Variants in CA10 observed in about 807,000 individuals in gnomAD.
CA10 encodes carbonic anhydrase-related protein 10.
A neutral mutation model predicts 44.2 loss-of-function variants in CA10; 14 were observed. That is an observed-to-expected ratio of 0.32 (90% CI 0.21 to 0.50). The LOEUF (loss-of-function observed/expected upper bound fraction) is 0.50, where lower values mean the gene tolerates loss of function less well. CA10 is among the 20% of genes least tolerant of loss of function. The probability of loss-of-function intolerance (pLI) is 0.99; values close to 1 mark genes in which losing one functional copy is unlikely to be tolerated. For synonymous variants in CA10, 159 were observed against 141.6 expected (o/e 1.12, Z -0.87); for missense variants, 350 against 409.7 (o/e 0.85, Z 1.26).
At chr17:51,686,270 G>A (rs1275648438) in intron 4 of CA10, among the ~76,000 whole-genome samples, 1 of 152,150 alleles carries the variant, frequency 6.6e-6, no homozygotes, top group Non-Finnish European at 1.5e-5. Flanking sequence ...GGACCTGTGA[G>A]TCAATTAAAC....
intron 2 of CA10, among the ~76,000 whole-genome samples, chr17:51,932,751 CTCATTTCTTA>C (rs1486462009): frequency 6.6e-6 from 1 of 152,064 alleles, no homozygotes; most frequent in Non-Finnish European, 1.5e-5. Context: ...CCTCGGCCCT[CTCATTTCTTA>C]TCATTTCTTA....
At chr17:51,842,018 C>T (rs1250309609) in intron 3 of CA10, among the ~76,000 whole-genome samples, 1 of 152,188 alleles carries the variant, frequency 6.6e-6, no homozygotes, top group Admixed American at 6.5e-5. Flanking sequence ...CTGGTCTGAA[C>T]AAGGTCTGTG....
chr17:52,076,041 A>G (rs1050200175), intron 1 of CA10, among the ~76,000 whole-genome samples: 1 of 152,190 alleles, frequency 6.6e-6, no homozygotes, highest in Non-Finnish European at 1.5e-5. Flanking sequence ...TGTTGTCAAG[A>G]CGGCAAAAAA....
intron 2 of CA10, among the ~76,000 whole-genome samples, chr17:51,998,554 G>T (rs188934303): frequency 3.9e-5 from 6 of 152,068 alleles, no homozygotes; most frequent in Admixed American, 3.3e-4. Flanking sequence ...TTAATTAAAA[G>T]ATAATGCTCT....
At chr17:51,841,008 T>TGATGGGAGTAGGGAGA (rs534857133) in intron 3 of CA10, among the ~76,000 whole-genome samples, 253 of 152,282 alleles carry the variant, frequency 1.7e-3, no homozygotes, top group African/African-American at 5.8e-3. Context: ...GAAGGCTAAG[T>TGATGGGAGTAGGGAGA]GATGGGAGTA....
intron 1 of CA10, among the ~76,000 whole-genome samples, chr17:52,085,408 G>A (rs575215616): frequency 1.2e-4 from 19 of 152,286 alleles, no homozygotes; most frequent in African/African-American, 4.3e-4. Context: ...GAGGGGTAGT[G>A]AAAGACATGC....
chr17:51,639,051 A>C (rs565360550), intron 6 of CA10, among the ~76,000 whole-genome samples: 1 of 152,248 alleles, frequency 6.6e-6, no homozygotes, highest in East Asian at 1.9e-4. Flanking sequence ...CACTACTGGG[A>C]GTTTGGACTT....
At chr17:52,143,029 T>C (rs190447831) in intron 1 of CA10, among the ~76,000 whole-genome samples, 5 of 152,320 alleles carry the variant, frequency 3.3e-5, no homozygotes, top group African/African-American at 1.2e-4. Context: ...TCCTCAAAGA[T>C]CTCCAATACT....
chr17:51,753,478 G>A (rs1904963450), intron 3 of CA10, among the ~76,000 whole-genome samples: 1 of 152,122 alleles, frequency 6.6e-6, no homozygotes, highest in East Asian at 1.9e-4. Context: ...GCATTTTTAA[G>A]GTAGGAAAAA....
chr17:51,644,168 C>T (rs543072488), intron 6 of CA10, among the ~76,000 whole-genome samples: 29 of 82,228 alleles, frequency 3.5e-4, no homozygotes, highest in Admixed American at 9.7e-4. Context: ...TTGCACAGTT[C>T]CCCCCCTTTT....
At chr17:52,114,897 G>T (rs1396321398) in intron 1 of CA10, among the ~76,000 whole-genome samples, 2 of 152,192 alleles carry the variant, frequency 1.3e-5, no homozygotes, top group Non-Finnish European at 2.9e-5. Context: ...CTAAGTCATT[G>T]CATCCCAGCC....
At chr17:51,818,695 A>G (rs1907659839) in intron 3 of CA10, among the ~76,000 whole-genome samples, 3 of 152,204 alleles carry the variant, frequency 2.0e-5, no homozygotes, top group Admixed American at 1.3e-4. Context: ...GATGTGCAAC[A>G]TTAAATTCAC....
chr17:52,069,013 T>C (rs1426123531), intron 2 of CA10, among the ~76,000 whole-genome samples: 1 of 152,208 alleles, frequency 6.6e-6, no homozygotes, highest in Non-Finnish European at 1.5e-5. Context: ...ATATTGCTGC[T>C]CCTGGCCTAA....
chr17:51,839,556 A>AAAAACAG (rs1978302848), intron 3 of CA10, among the ~76,000 whole-genome samples: 1 of 151,326 alleles, frequency 6.6e-6, no homozygotes, highest in African/African-American at 2.4e-5. Flanking sequence ...AGAGGCAGTT[A>AAAAACAG]AAAACAGAAA....
chr17:51,865,296 G>A (rs1057305328), intron 3 of CA10, among the ~76,000 whole-genome samples: 3 of 152,128 alleles, frequency 2.0e-5, no homozygotes, highest in Non-Finnish European at 4.4e-5. Flanking sequence ...CTCCATGAAG[G>A]CAAGTGTTTT....
chr17:51,836,708 T>C (rs1908490537), intron 3 of CA10, among the ~76,000 whole-genome samples: 1 of 152,150 alleles, frequency 6.6e-6, no homozygotes, highest in African/African-American at 2.4e-5. Flanking sequence ...TCTCAGTGTA[T>C]GAGGAAAAGA....
chr17:52,143,373 C>T (rs1165485797), intron 1 of CA10, among the ~76,000 whole-genome samples: 1 of 152,010 alleles, frequency 6.6e-6, no homozygotes, highest in Non-Finnish European at 1.5e-5. Flanking sequence ...TAGAAAGAAA[C>T]AAACCAGAAT....
In CA10 at chr17:51,635,990, C is replaced by A; in HGVS notation, c.654G>T (p.Gln218His). The change falls in exon 7 of 9, where the codon CAG (glutamine) becomes CAT (histidine). Residue 218 changes from glutamine to histidine, a missense_variant. Coordinates refer to ENST00000451037, the MANE Select transcript of CA10 (RefSeq NM_020178.5). ...ITYKNDAYLL[Q>H]GLNIEELYPE... Reference sequence around the variant, plus strand: ...GATATAGTTCCTCTATATTAAGCCCCTGTAGTAAATATGCATCATCTAGAG... The same window carrying A: ...GATATAGTTCCTCTATATTAAGCCCATGTAGTAAATATGCATCATCTAGAG... 1.3e-6 allele frequency: 2 copies of A among 1,580,456 alleles called. No homozygotes were observed. The highest frequency in any genetic ancestry group is 1.7e-6 in the Non-Finnish European group (2 of 1,161,804).
chr17:51,972,983 G>A (rs1364799933), intron 2 of CA10, among the ~76,000 whole-genome samples: 4 of 152,106 alleles, frequency 2.6e-5, no homozygotes, highest in Non-Finnish European at 5.9e-5. Context: ...ATTAGGAAAT[G>A]CTGGAAAATG....
Sources: gnomAD v4.1 joint callset for allele counts (sites outside exome capture counted in the v4.1 genomes callset) on GRCh38, gnomAD v4.1.1 for gene constraint, MANE v1.5 for transcripts, NCBI Gene and HGNC (gene_info 2026-07-23, HGNC 2026-07-21) for gene names.